Variants in SETBP1 observed in about 807,000 individuals in gnomAD.
The protein encoded by SETBP1 is SET binding protein 1.
A neutral mutation model predicts 101.0 loss-of-function variants in SETBP1; 9 were observed. The ratio of observed to expected loss-of-function variants is 0.09; its 90% CI spans 0.05 to 0.16. SETBP1 has a LOEUF of 0.16. SETBP1 is among the 10% of genes least tolerant of loss of function. SETBP1 has a pLI of 1.00. For missense variants in SETBP1, 1,858 were observed against 2,033.8 expected, an observed-to-expected ratio of 0.91 and a Z score of 1.66; for synonymous variants, 818 against 788.5, an observed-to-expected ratio of 1.04 and a Z score of -0.63.
At chr18:45,035,511 T>C (rs767268829) in intron 4 of SETBP1, among the ~76,000 whole-genome samples, 1 of 152,238 alleles carries the variant, frequency 6.6e-6, no homozygotes, top group Non-Finnish European at 1.5e-5. Context: ...TCAACTCTAA[T>C]GAATTGATGT....
intron 1 of SETBP1, among the ~76,000 whole-genome samples, chr18:44,691,083 C>T (rs2068923833): frequency 6.6e-6 from 1 of 152,164 alleles, no homozygotes. Flanking sequence ...GTAGAAGCAA[C>T]TAACAACTTT....
intron 2 of SETBP1, among the ~76,000 whole-genome samples, chr18:44,827,020 ACT>A (rs1244798630): frequency 6.6e-6 from 1 of 152,210 alleles, no homozygotes; most frequent in Non-Finnish European, 1.5e-5. Context: ...TCTCTCCCTC[ACT>A]TGATTGGCCC....
intron 3 of SETBP1, among the ~76,000 whole-genome samples, chr18:44,933,177 G>C (rs1028107098): frequency 1.3e-5 from 2 of 152,162 alleles, no homozygotes; most frequent in African/African-American, 4.8e-5. Flanking sequence ...TAACAGTCAG[G>C]ACCCTCAGCT....
At chr18:44,833,173 A>G (rs1237101542) in intron 2 of SETBP1, among the ~76,000 whole-genome samples, 1 of 152,242 alleles carries the variant, frequency 6.6e-6, no homozygotes, top group Non-Finnish European at 1.5e-5. Flanking sequence ...ATAGAAGTAC[A>G]AAATCTCAGG....
chr18:44,681,562 C>A (rs1471376703), intron 1 of SETBP1, among the ~76,000 whole-genome samples: 1 of 139,682 alleles, frequency 7.2e-6, no homozygotes, highest in Admixed American at 7.2e-5. Flanking sequence ...TTCCCCCCGC[C>A]CCCCCATCCA....
chr18:44,760,101 T>C (rs1254261845), intron 2 of SETBP1, among the ~76,000 whole-genome samples: 2 of 152,200 alleles, frequency 1.3e-5, no homozygotes, highest in Non-Finnish European at 2.9e-5. Context: ...GGGTAATACA[T>C]GTCCCTGACT....
chr18:44,931,261 C>T (rs1382708490), intron 3 of SETBP1, among the ~76,000 whole-genome samples: 2 of 152,186 alleles, frequency 1.3e-5, no homozygotes, highest in East Asian at 3.8e-4. Flanking sequence ...GAGTGAGTTT[C>T]TTAATCCTGA....
chr18:44,803,308 C>A (rs1384524272), intron 2 of SETBP1, among the ~76,000 whole-genome samples: 1 of 152,110 alleles, frequency 6.6e-6, no homozygotes, highest in East Asian at 1.9e-4. Flanking sequence ...GCCCTTGGCA[C>A]GGCTGTTCCA....
intron 4 of SETBP1, among the ~76,000 whole-genome samples, chr18:44,969,876 CA>C (rs1029219898): frequency 3.3e-5 from 5 of 152,194 alleles, no homozygotes; most frequent in Admixed American, 3.3e-4. Flanking sequence ...AACTTTGTTG[CA>C]GCAGGCAGAG....
At chr18:44,880,754 G>A (rs1013478701) in intron 3 of SETBP1, among the ~76,000 whole-genome samples, 47 of 152,184 alleles carry the variant, frequency 3.1e-4, no homozygotes, top group Admixed American at 5.9e-4. Context: ...GATCACTTGC[G>A]AACTCAGAGC....
chr18:44,763,953 T>C (rs1044920163), intron 2 of SETBP1, among the ~76,000 whole-genome samples: 6 of 152,162 alleles, frequency 3.9e-5, no homozygotes, highest in African/African-American at 1.2e-4. Context: ...TAAATATCAT[T>C]TACACACATA....
chr18:44,972,656 C>T (rs942429448), intron 4 of SETBP1, among the ~76,000 whole-genome samples: 4 of 152,174 alleles, frequency 2.6e-5, no homozygotes, highest in Non-Finnish European at 4.4e-5. Context: ...TGGGAGTTCA[C>T]TCATGATTTG....
chr18:44,764,511 C>T (rs1285172329), intron 2 of SETBP1, among the ~76,000 whole-genome samples: 1 of 152,122 alleles, frequency 6.6e-6, no homozygotes, highest in African/African-American at 2.4e-5. Context: ...CTTGCTCTGT[C>T]ACCCAGGCTG....
intron 2 of SETBP1, among the ~76,000 whole-genome samples, chr18:44,750,319 A>G (rs2070353599): frequency 6.6e-6 from 1 of 152,182 alleles, no homozygotes; most frequent in Non-Finnish European, 1.5e-5. Flanking sequence ...CCTTCTAGCT[A>G]TAGCCTCACA....
At chr18:44,985,150 T>C (rs2145254804) in intron 4 of SETBP1, among the ~76,000 whole-genome samples, 1 of 152,254 alleles carries the variant, frequency 6.6e-6, no homozygotes, top group South Asian at 2.1e-4. Context: ...GAACATAAAA[T>C]GTTTAAACAC....
rs781103603 is a variant in SETBP1, at chr18:45,063,396, G to A, written c.4489G>A (p.Glu1497Lys). Residue 1497 changes from glutamate (E) to lysine (K), a missense_variant, in exon 6 of 6, where the codon GAG (glutamate) becomes AAG (lysine). Coordinates refer to ENST00000649279, the MANE Select transcript of SETBP1 (RefSeq NM_015559.3). ...GCCCAGCCTGAGCCCGCTGGTGCTG[G>A]AGCCCGCCGCCAGCCAAGACACCAT... The part of the protein sequence containing the change: ...QKPSLSPLVL[E>K]PAASQDTIMA... 9.7e-6 allele frequency: 15 copies of A among 1,543,552 alleles called. No homozygotes were observed. Among genetic ancestry groups the A allele is most frequent in the Middle Eastern group, 1.7e-4 (1 of 5,838 alleles).
intron 2 of SETBP1, among the ~76,000 whole-genome samples, chr18:44,778,182 T>G (rs2071045012): frequency 6.6e-6 from 1 of 152,210 alleles, no homozygotes; most frequent in Non-Finnish European, 1.5e-5. Flanking sequence ...GCTGGCCTTG[T>G]ATGAAACCCA....
At chr18:44,790,792 A>G (rs890346652) in intron 2 of SETBP1, among the ~76,000 whole-genome samples, 50 of 152,300 alleles carry the variant, frequency 3.3e-4, no homozygotes, top group African/African-American at 1.2e-3. Flanking sequence ...GCACTGTCCT[A>G]GGGGCTCAGG....
chr18:44,995,929 C>T (rs1376944644), intron 4 of SETBP1, among the ~76,000 whole-genome samples: 1 of 152,198 alleles, frequency 6.6e-6, no homozygotes, highest in Admixed American at 6.5e-5. Flanking sequence ...TTGTTTCCAA[C>T]ATCTGAATTT....
Sources: allele counts gnomAD v4.1 joint callset (sites outside exome capture counted in the v4.1 genomes callset), GRCh38; gene constraint gnomAD v4.1.1; transcripts MANE v1.5; gene names NCBI Gene and HGNC (gene_info 2026-07-23, HGNC 2026-07-21).